Variants in ADAM18 observed in about 807,000 individuals in gnomAD.
The protein encoded by ADAM18 is disintegrin and metalloproteinase domain-containing protein 18.
In ADAM18, 117 loss-of-function variants were observed where a neutral mutation model predicts 94.4. The ratio of observed to expected loss-of-function variants is 1.24; its 90% confidence interval spans 1.07 to 1.45. The LOEUF (loss-of-function observed/expected upper bound fraction) is 1.45. Among genes scored for constraint, ADAM18 ranks in the 40% most tolerant of loss-of-function variants. The probability of loss-of-function intolerance (pLI) is 0.00; values close to 1 mark genes in which losing one functional copy is unlikely to be tolerated. For missense variants in ADAM18, 936 were observed against 880.0 expected (o/e 1.06, Z -0.81); for synonymous variants, 327 against 291.6 (o/e 1.12, Z -1.24).
At chr8:39,590,748 A>G (rs1818548397) in intron 2 of ADAM18, among the ~76,000 whole-genome samples, 1 of 152,326 alleles carries the variant, frequency 6.6e-6, no homozygotes, top group East Asian at 1.9e-4. Context: ...TAATACATAT[A>G]TCTCAATGAA....
At position 39,613,912 on chromosome 8, in the gene ADAM18, A is replaced by G. The variant is rs576329119; in HGVS notation, c.522+3206A>G. Among the ~76,000 whole-genome samples, 6 of 152,344 alleles carry G rather than the reference A, an allele frequency of 3.9e-5. No homozygotes were observed. In the South Asian group the frequency reaches 1.2e-3, roughly 32 times the overall value. On this transcript the variant is annotated intron_variant, in intron 6 of 19. Coordinates refer to ENST00000265707, the MANE Select transcript of ADAM18 (RefSeq NM_014237.3). ...AAAAACTGTTTTGTCAAATCAATTC[A>G]GTCAGACAAAAATAAAGAAAAAATG...
intron 12 of ADAM18, among the ~76,000 whole-genome samples, chr8:39,659,261 T>C (rs13251041): frequency 2.0e-5 from 3 of 152,112 alleles, no homozygotes; most frequent in African/African-American, 7.2e-5. Flanking sequence ...AATTGATTAG[T>C]TGTTTGATAG....
chr8:39,707,590 T>C (rs997750661), intron 18 of ADAM18, among the ~76,000 whole-genome samples: 2 of 152,180 alleles, frequency 1.3e-5, no homozygotes, highest in Admixed American at 1.3e-4. Context: ...TTTTATGAAC[T>C]GAAGATTTGT....
intron 18 of ADAM18, among the ~76,000 whole-genome samples, chr8:39,712,044 GA>G (rs1349490928): frequency 1.8e-5 from 2 of 113,596 alleles, no homozygotes; most frequent in African/African-American, 7.2e-5. Flanking sequence ...CCCCCCCCGA[GA>G]AAAAAACAGT....
chr8:39,587,241 T>G (rs1229764118), intron 2 of ADAM18, among the ~76,000 whole-genome samples: 1 of 152,224 alleles, frequency 6.6e-6, no homozygotes, highest in Non-Finnish European at 1.5e-5. Context: ...ATGCTGAACA[T>G]GAGAATGATT....
chr8:39,657,163 G>T (rs1820706695), intron 12 of ADAM18, among the ~76,000 whole-genome samples: 1 of 152,150 alleles, frequency 6.6e-6, no homozygotes, highest in Admixed American at 6.5e-5. Flanking sequence ...AAACAAAGTG[G>T]TTGAATTCAA....
chr8:39,641,433 T>C (rs1041942820), intron 10 of ADAM18, among the ~76,000 whole-genome samples: 3 of 152,044 alleles, frequency 2.0e-5, no homozygotes, highest in Non-Finnish European at 4.4e-5. Context: ...TATTTCAACA[T>C]CCAGGTATTA....
chr8:39,692,463 A>G (rs1260622934), intron 16 of ADAM18, 137 bp from the exon 17 acceptor site: 5 of 430,656 alleles, frequency 1.2e-5, no homozygotes, highest in Non-Finnish European at 1.7e-5. Flanking sequence ...TGTTAATCAT[A>G]TTAATATTAG....
chr8:39,651,201 T>C (rs918077374), intron 12 of ADAM18, among the ~76,000 whole-genome samples: 6 of 152,248 alleles, frequency 3.9e-5, no homozygotes, highest in African/African-American at 1.4e-4. Flanking sequence ...AGTTTTCTCC[T>C]ATCTCAGTAG....
At chr8:39,704,381 CCAGGATGCAAGGTTGGTTCA>C (rs1238033323) in intron 17 of ADAM18, among the ~76,000 whole-genome samples, 3 of 152,104 alleles carry the variant, frequency 2.0e-5, no homozygotes, top group African/African-American at 7.2e-5. Flanking sequence ...GTCTTCATCT[CCAGGATGCAAGGTTGGTTCA>C]ACATATGGAA....
intron 18 of ADAM18, among the ~76,000 whole-genome samples, chr8:39,716,408 C>T (rs1256548169): frequency 6.6e-6 from 1 of 151,906 alleles, no homozygotes; most frequent in Non-Finnish European, 1.5e-5. Context: ...TATTCATATT[C>T]ATTTGTCTTG....
rs1000553438 is a variant in ADAM18 at position 39,663,260 on chromosome 8, T to A, written c.1231-535T>A. Among the ~76,000 whole-genome samples the A allele has an allele frequency of 2.6e-5, 4 of 151,986 alleles. No homozygotes were observed. The East Asian group carries it at 7.7e-4, about 29-fold the overall frequency. On this transcript the variant is annotated intron_variant, in intron 12 of 19. Transcript: ENST00000265707. Reference sequence around the variant, plus strand: ...CTATTTTAGATGTTATTTCTGCAGTTCTTACACTTGCATGTACCTGTGGCT... The same window carrying A: ...CTATTTTAGATGTTATTTCTGCAGTACTTACACTTGCATGTACCTGTGGCT...
intron 17 of ADAM18, among the ~76,000 whole-genome samples, chr8:39,693,897 A>C (rs201817122): frequency 6.6e-6 from 1 of 151,300 alleles, no homozygotes; most frequent in East Asian, 1.9e-4. Context: ...GACAGGTCTC[A>C]ATAGACAGCT....
chr8:39,693,671 T>C (rs1032911387), intron 17 of ADAM18, among the ~76,000 whole-genome samples: 1 of 151,280 alleles, frequency 6.6e-6, no homozygotes, highest in Non-Finnish European at 1.5e-5. Flanking sequence ...GTTGTTTTAC[T>C]TCTACTTTTT....
In ADAM18 at chr8:39,729,891, A is replaced by T. The variant is rs1823024889; in HGVS notation, c.2178-7A>T. The T allele has an allele frequency of 6.2e-7, 1 of 1,612,264 alleles. No individual in the cohort carries two copies. Among genetic ancestry groups the T allele is most frequent in the African/African-American group, 1.3e-5 (1 of 74,860 alleles). On this transcript the variant is annotated splice_polypyrimidine_tract_variant and splice_region_variant and intron_variant, in intron 19 of 19. Coordinates refer to ENST00000265707, the MANE Select transcript of ADAM18 (RefSeq NM_014237.3). ...ATTTCTATTTTTTCTGTTTTTCTTC[A>T]CTATAGTAATTCATCCGTTGTATCA...
At chr8:39,610,915 A>G (rs1194326938) in intron 6 of ADAM18, 21 of 1,214,970 alleles carry the variant, frequency 1.7e-5, no homozygotes, top group Non-Finnish European at 2.2e-5. Flanking sequence ...ATTATGTAAC[A>G]TTAATTTTTA....
At chr8:39,704,693 C>T (rs1822190548) in intron 17 of ADAM18, among the ~76,000 whole-genome samples, 1 of 152,032 alleles carries the variant, frequency 6.6e-6, no homozygotes, top group Non-Finnish European at 1.5e-5. Context: ...CCTATTTCTC[C>T]TTGCACATGC....
chr8:39,663,629 A>G (rs1349237812), intron 12 of ADAM18, among the ~76,000 whole-genome samples, 166 bp from the exon 13 acceptor site: 1 of 141,694 alleles, frequency 7.1e-6, no homozygotes, highest in Non-Finnish European at 1.5e-5. Flanking sequence ...AAAAAAAAAG[A>G]AGAAGAAAAG....
At chr8:39,664,829 A>G (rs137961726) in intron 13 of ADAM18, among the ~76,000 whole-genome samples, 43 of 152,328 alleles carry the variant, frequency 2.8e-4, no homozygotes, top group African/African-American at 1.0e-3. Flanking sequence ...ATTATGTCCA[A>G]GACACACATT....
Sources: gnomAD v4.1 joint callset for allele counts (sites outside exome capture counted in the v4.1 genomes callset) on GRCh38, gnomAD v4.1.1 for gene constraint, MANE v1.5 for transcripts, NCBI Gene and HGNC (gene_info 2026-07-23, HGNC 2026-07-21) for gene names.